Variants in IPO8 observed in about 807,000 individuals in gnomAD.
IPO8 encodes importin-8.
IPO8 carries 65 observed loss-of-function variants against 141.2 expected under a neutral mutation model. The observed-to-expected ratio is 0.46, with a 90% confidence interval of 0.38 to 0.57. IPO8 has a LOEUF of 0.57. IPO8 is among the 20% of genes least tolerant of loss of function. The probability of loss-of-function intolerance (pLI) is 0.00; values close to 1 mark genes in which losing one functional copy is unlikely to be tolerated. For synonymous variants in IPO8, 411 were observed against 420.3 expected (o/e 0.98, Z 0.27); for missense variants, 980 against 1,246.8 (o/e 0.79, Z 3.22).
intron 14 of IPO8, among the ~76,000 whole-genome samples, chr12:30,663,030 A>T (rs35388100): frequency 0.18 from 27,925 of 151,972 alleles, 3,151 homozygotes; most frequent in East Asian, 0.3. Flanking sequence ...TGATCAGAAC[A>T]CTGAACAAAT....
At chr12:30,652,600 A>C (rs1378116431) in intron 18 of IPO8, among the ~76,000 whole-genome samples, 3 of 152,010 alleles carry the variant, frequency 2.0e-5, no homozygotes, top group African/African-American at 7.2e-5. Context: ...CTACCCTCCC[A>C]TCATCCCCAT....
intron 17 of IPO8, 33 bp downstream of exon 17, chr12:30,656,651 C>T: frequency 7.4e-7 from 1 of 1,357,874 alleles, no homozygotes; most frequent in Non-Finnish European, 1.0e-6. Flanking sequence ...AAAATTTTTT[C>T]AATTTATCTT....
chr12:30,632,583 C>G (rs1336647563), intron 23 of IPO8, among the ~76,000 whole-genome samples: 3 of 152,142 alleles, frequency 2.0e-5, no homozygotes, highest in African/African-American at 7.2e-5. Context: ...TGAGCATGCC[C>G]TCTCCACACC....
intron 17 of IPO8, among the ~76,000 whole-genome samples, chr12:30,654,514 C>CCA (rs1162315658): frequency 6.6e-6 from 1 of 151,746 alleles, no homozygotes. Flanking sequence ...GGAACTCAAA[C>CCA]CATTCAGTAG....
Position 30,661,230 on chromosome 12 carries a change from A to G in IPO8, c.1792T>C (p.Tyr598His). 6.3e-7 allele frequency: 1 copy of G among 1,597,508 alleles called. No homozygotes were observed. Among genetic ancestry groups the G allele is most frequent in the Non-Finnish European group, 8.5e-7 (1 of 1,172,838 alleles). ...ACTGTTTTGTCTTCAACTTCTTCAT[A>G]TTCATCACTTTGAAGAACTTTGCCA... ...IFGKVLQSDE[Y>H]EEVEDKTVMA... is the part of the protein sequence containing the mutation. Residue 598 changes from tyrosine to histidine, a missense_variant, in exon 16 of 25, where the codon TAT (tyrosine) becomes CAT (histidine). Transcript: ENST00000256079.
chr12:30,676,224 C>T (rs578246600), intron 6 of IPO8, among the ~76,000 whole-genome samples: 107 of 152,042 alleles, frequency 7.0e-4, no homozygotes, highest in African/African-American at 2.5e-3. Context: ...CCATGCCCAG[C>T]CAACGTATAC....
rs573389986 is a variant in IPO8, at chr12:30,666,042, G to GA, written c.1221+132dup. 7.6e-3 allele frequency: 4,680 copies of GA among 619,352 alleles called. 4 individuals carry two copies. The highest frequency in any genetic ancestry group is 9.5e-3 in the Non-Finnish European group (3,678 of 385,650). 38.4% of individuals were successfully genotyped at this position (619,352 alleles called of 1,614,324 possible). A position where few individuals can be genotyped will look rare whatever the true frequency, so the allele number is the denominator to read the frequency against. On this transcript the variant is annotated intron_variant, in intron 11 of 24. Transcript: ENST00000256079. ...ACCCCCTTTCCCCTCACCAGGAGAGGAAAAAAAAAATCCTTAAGGTGACAA... is the reference window on the plus strand; with the variant it reads ...ACCCCCTTTCCCCTCACCAGGAGAGGAAAAAAAAAAATCCTTAAGGTGACAA...
intron 16 of IPO8, among the ~76,000 whole-genome samples, chr12:30,659,201 C>A (rs2052846607): frequency 6.6e-6 from 1 of 152,036 alleles, no homozygotes; most frequent in African/African-American, 2.4e-5. Flanking sequence ...TTTTTAAGAA[C>A]CAAGTCAGCC....
chr12:30,664,438 T>G (rs529314953), intron 13 of IPO8, among the ~76,000 whole-genome samples: 231 of 152,346 alleles, frequency 1.5e-3, no homozygotes, highest in Non-Finnish European at 2.6e-3. Flanking sequence ...TGAATAAAAG[T>G]CCTGTTTCTA....
At chr12:30,683,943 C>G (rs1178500915) in intron 3 of IPO8, among the ~76,000 whole-genome samples, 3 of 152,120 alleles carry the variant, frequency 2.0e-5, no homozygotes, top group Non-Finnish European at 2.9e-5. Flanking sequence ...GAATCAGTCT[C>G]TCTGTATCAA....
intron 2 of IPO8, among the ~76,000 whole-genome samples, chr12:30,690,041 T>C (rs2053276820): frequency 6.6e-6 from 1 of 152,248 alleles, no homozygotes; most frequent in Non-Finnish European, 1.5e-5. Context: ...GTAAGTTTCA[T>C]GTTTAAAACA....
At chr12:30,659,455 C>A (rs1320532666) in intron 16 of IPO8, among the ~76,000 whole-genome samples, 1 of 144,070 alleles carries the variant, frequency 6.9e-6, no homozygotes, top group African/African-American at 2.6e-5. Flanking sequence ...CCGGCCTGGG[C>A]AACAGAGCAA....
chr12:30,674,048 T>G lies in IPO8; in HGVS notation c.851A>C (p.Lys284Thr). 6.3e-7 allele frequency: 1 copy of G among 1,588,524 alleles called. No individual in the cohort carries two copies. Among genetic ancestry groups the G allele is most frequent in the Non-Finnish European group, 8.6e-7 (1 of 1,161,426 alleles). ...GAATTCAGAAAATTCAAAGTATTCT[T>G]TTGTGACATTTCCTGGGCTTCCATA... ...ERYGSPGNVT[K>T]EYFEFSEFFL... Residue 284 changes from lysine to threonine, a missense_variant, in exon 8 of 25, where the codon AAA (lysine) becomes ACA (threonine). Lys to Thr is a moderately conservative substitution (Grantham distance 78). Around this residue, in one of 3 missense-constraint regions of IPO8, gnomAD observed 924 missense variants for 1,153.9 expected, o/e 0.80. Coordinates refer to ENST00000256079, the MANE Select transcript of IPO8 (RefSeq NM_006390.4).
chr12:30,671,535 G>A (rs767331413), intron 8 of IPO8, among the ~76,000 whole-genome samples: 3 of 151,880 alleles, frequency 2.0e-5, no homozygotes, highest in Non-Finnish European at 4.4e-5. Context: ...TTAGCCGGGC[G>A]TGGTGGCGGG....
intron 1 of IPO8, among the ~76,000 whole-genome samples, chr12:30,693,906 GC>G (rs1431866198): frequency 1.3e-5 from 2 of 152,080 alleles, no homozygotes; most frequent in Non-Finnish European, 2.9e-5. Context: ...GAACGTGCCT[GC>G]TTTTGTCTGA....
Position 30,684,354 on chromosome 12 carries a change from C to T in IPO8, c.270G>A (p.Gln90=), listed in dbSNP as rs200369508. 6 of 1,614,122 alleles carry T rather than the reference C, an allele frequency of 3.7e-6. No homozygotes were observed. In the East Asian group the frequency reaches 1.1e-4, roughly 30 times the overall value. ...CTTCCACAATGTTATCACGTATTTG[C>T]TGGCGATCGTTTTCGTGAATGTTGA... ...FPFNIHENDR[Q]QIRDNIVEGI... The change falls in exon 3 of 25, where the codon CAG becomes CAA. Residue 90 remains glutamine, a synonymous_variant. Coordinates refer to ENST00000256079, the MANE Select transcript of IPO8 (RefSeq NM_006390.4).
chr12:30,659,929 A>C, intron 16 of IPO8, among the ~76,000 whole-genome samples: 1 of 151,856 alleles, frequency 6.6e-6, no homozygotes, highest in East Asian at 1.9e-4. Flanking sequence ...TGCTATTTAA[A>C]GTAGTAGTAG....
intron 23 of IPO8, among the ~76,000 whole-genome samples, chr12:30,633,869 A>G (rs891200835): frequency 6.6e-6 from 1 of 152,210 alleles, no homozygotes; most frequent in Non-Finnish European, 1.5e-5. Context: ...CTACTTCTCA[A>G]TGATGAAAGC....
intron 2 of IPO8, chr12:30,686,560 C>G (rs2053244464): frequency 6.6e-6 from 1 of 152,166 alleles, no homozygotes; most frequent in Admixed American, 6.5e-5. Flanking sequence ...ACTGCCCAGG[C>G]TGGTCTTGAA....
Sources: gnomAD v4.1 joint callset for allele counts (sites outside exome capture counted in the v4.1 genomes callset) on GRCh38, gnomAD v4.1.1 for gene constraint, gnomAD v4.1.1 regional missense constraint, MANE v1.5 for transcripts, NCBI Gene and HGNC (gene_info 2026-07-23, HGNC 2026-07-21) for gene names.